The following CNTN3 variants were observed in gnomAD, a reference collection of about 807,000 sequenced individuals.
CNTN3 encodes contactin 3.
CNTN3 carries 60 observed loss-of-function variants against 119.1 expected under a neutral mutation model. That is an observed-to-expected ratio of 0.50 (90% CI 0.41 to 0.62). The LOEUF (loss-of-function observed/expected upper bound fraction) is 0.62, where lower values mean the gene tolerates loss of function less well. CNTN3 is among the 20% of genes least tolerant of loss of function. CNTN3 has a pLI of 0.00. For synonymous variants in CNTN3, 450 were observed against 438.7 expected, an observed-to-expected ratio of 1.03 and a Z score of -0.32; for missense variants, 1,101 against 1,242.4, an observed-to-expected ratio of 0.89 and a Z score of 1.71.
At chr3:74,451,010 G>C (rs1030285065) in intron 4 of CNTN3, among the ~76,000 whole-genome samples, 20 of 152,024 alleles carry the variant, frequency 1.3e-4, no homozygotes, top group African/African-American at 4.8e-4. Flanking sequence ...ATGATTTATA[G>C]TCCTTTGGGT....
Position 74,521,042 on chromosome 3 carries a change from T to G in CNTN3, c.55+16A>C, listed in dbSNP as rs186096263. On this transcript the variant is annotated intron_variant, in intron 2 of 22. Transcript: ENST00000263665. ...ACTTCTAACCTCAACTTAGAAAATA[T>G]AGGATTTTTTTTTACCTCCTAAGCA... 22 of 1,551,026 alleles carry G rather than the reference T, an allele frequency of 1.4e-5. No individual in the cohort carries two copies. The Middle Eastern group carries it at 2.4e-3, about 168-fold the overall frequency.
intron 5 of CNTN3, among the ~76,000 whole-genome samples, chr3:74,392,443 A>G (rs1260674921): frequency 1.3e-5 from 2 of 152,098 alleles, no homozygotes; most frequent in Non-Finnish European, 2.9e-5. Context: ...TTCATTCAAC[A>G]AATAAACATC....
At chr3:74,590,885 A>G (rs72885360) in intron 1 of CNTN3, among the ~76,000 whole-genome samples, 27,038 of 151,920 alleles carry the variant, frequency 0.18, 4,269 homozygotes, top group African/African-American at 0.42. Flanking sequence ...ACTCAGTGAT[A>G]TTGGTCTGCT....
At position 74,312,495 on chromosome 3, in the gene CNTN3, G is replaced by T. The variant is rs182787598; in HGVS notation, c.1669-9688C>A. On this transcript the variant is annotated intron_variant, in intron 13 of 22. Transcript: ENST00000263665. The stretch of plus-strand genomic sequence containing the variant: ...AAAAAAAAAAAATGCTCTGCCCTCA[G>T]CAGCTACAGCCTAATCTGCTGGGGT... 1.0e-3 allele frequency among the ~76,000 whole-genome samples: 143 copies of T among 141,734 alleles called. 1 individual carries two copies. The highest frequency in any genetic ancestry group is 3.9e-3 in the African/African-American group (142 of 36,642). The allele number at this position is 141,734 out of a possible 152,430, so 93.0% of individuals were successfully genotyped here. A position where few individuals can be genotyped will look rare whatever the true frequency, so the allele number is the denominator to read the frequency against.
chr3:74,314,057 T>C (rs493924), intron 13 of CNTN3, among the ~76,000 whole-genome samples: 12,025 of 152,262 alleles, frequency 0.079, 561 homozygotes, highest in East Asian at 0.19. Flanking sequence ...TTTACCCCAA[T>C]GCCCTATTCA....
chr3:74,388,050 C>T (rs1252308551), intron 5 of CNTN3, among the ~76,000 whole-genome samples: 3 of 152,110 alleles, frequency 2.0e-5, no homozygotes, highest in African/African-American at 2.4e-5. Context: ...GTAGCCCTCC[C>T]GGCTGATGGC....
chr3:74,406,997 T>A (rs902358776), intron 5 of CNTN3, among the ~76,000 whole-genome samples: 1 of 152,160 alleles, frequency 6.6e-6, no homozygotes, highest in Non-Finnish European at 1.5e-5. Context: ...AAGAAAAGTA[T>A]AAATTTTCCT....
chr3:74,430,525 T>A (rs539775804), intron 4 of CNTN3, among the ~76,000 whole-genome samples: 10 of 152,290 alleles, frequency 6.6e-5, no homozygotes, highest in African/African-American at 2.2e-4. Flanking sequence ...GGAGGGTTGC[T>A]TGAGACCAGG....
chr3:74,588,304 A>G (rs1704634416), intron 1 of CNTN3, among the ~76,000 whole-genome samples: 1 of 152,072 alleles, frequency 6.6e-6, no homozygotes, highest in Non-Finnish European at 1.5e-5. Flanking sequence ...ATTCTTATAC[A>G]CCAATAACAG....
At chr3:74,361,498 A>C (rs901461159) in intron 11 of CNTN3, among the ~76,000 whole-genome samples, 7 of 152,220 alleles carry the variant, frequency 4.6e-5, no homozygotes, top group Non-Finnish European at 1.0e-4. Flanking sequence ...AAATTATTTG[A>C]GTATAGGATA....
At chr3:74,276,713 A>G (rs868862830) in intron 20 of CNTN3, among the ~76,000 whole-genome samples, 41 of 152,152 alleles carry the variant, frequency 2.7e-4, no homozygotes, top group Non-Finnish European at 1.0e-4. Context: ...CTAAGGTCAC[A>G]CCTCAAGGAA....
intron 1 of CNTN3, among the ~76,000 whole-genome samples, chr3:74,587,785 T>C (rs954343937): frequency 3.9e-5 from 6 of 152,162 alleles, no homozygotes; most frequent in African/African-American, 1.4e-4. Context: ...ATACCCCTTA[T>C]TTCCTTCTCC....
At chr3:74,587,712 T>C (rs1363932691) in intron 1 of CNTN3, among the ~76,000 whole-genome samples, 1 of 152,160 alleles carries the variant, frequency 6.6e-6, no homozygotes, top group Non-Finnish European at 1.5e-5. Context: ...AATGGGGTTT[T>C]CTAGATATAG....
intron 3 of CNTN3, among the ~76,000 whole-genome samples, chr3:74,499,336 T>G (rs996329390): frequency 6.6e-6 from 1 of 151,930 alleles, no homozygotes; most frequent in African/African-American, 2.4e-5. Context: ...AAATTAACTT[T>G]AAAACACAAT....
At chr3:74,516,192 C>A (rs1234019276) in intron 2 of CNTN3, among the ~76,000 whole-genome samples, 1 of 151,914 alleles carries the variant, frequency 6.6e-6, no homozygotes, top group South Asian at 2.1e-4. Context: ...ACTGTGCCAT[C>A]TACAACATGG....
At chr3:74,285,078 G>C (rs1306057483) in intron 20 of CNTN3, among the ~76,000 whole-genome samples, 1 of 152,116 alleles carries the variant, frequency 6.6e-6, no homozygotes, top group Non-Finnish European at 1.5e-5. Context: ...CCCACACTAA[G>C]ATTTTTTCAG....
chr3:74,594,970 C>T (rs1372781990), intron 1 of CNTN3, among the ~76,000 whole-genome samples: 2 of 152,162 alleles, frequency 1.3e-5, no homozygotes, highest in African/African-American at 2.4e-5. Flanking sequence ...TGTTTCCTGA[C>T]TTTTGAATGA....
At chr3:74,373,023 A>T (rs1704379131) in intron 5 of CNTN3, among the ~76,000 whole-genome samples, 1 of 152,248 alleles carries the variant, frequency 6.6e-6, no homozygotes, top group Admixed American at 6.5e-5. Context: ...ACAGACATCC[A>T]GAAACATTGG....
chr3:74,320,810 T>C (rs1036603867), intron 13 of CNTN3, among the ~76,000 whole-genome samples: 8 of 152,136 alleles, frequency 5.3e-5, no homozygotes. Flanking sequence ...TGTGGACATA[T>C]GCAATTTTTC....
Sources: gnomAD v4.1 joint callset for allele counts (sites outside exome capture counted in the v4.1 genomes callset) on GRCh38, gnomAD v4.1.1 for gene constraint, MANE v1.5 for transcripts, NCBI Gene and HGNC (gene_info 2026-07-23, HGNC 2026-07-21) for gene names.